The following SFRP1 variants were observed in gnomAD, a reference collection of about 807,000 sequenced individuals.
The protein encoded by SFRP1 is secreted frizzled-related protein 1.
In SFRP1, 9 loss-of-function variants were observed where a neutral mutation model predicts 25.9. That is an observed-to-expected ratio of 0.35 (90% CI 0.21 to 0.61). The LOEUF is 0.61. Among genes scored for constraint, SFRP1 ranks in the 20% least tolerant of loss-of-function variants. The pLI is 0.78. For missense variants in SFRP1, 346 were observed against 418.2 expected (o/e 0.83, Z 1.51); for synonymous variants, 178 against 174.0 (o/e 1.02, Z -0.18).
chr8:41,265,112 T>TCCCCCCCCCCCC lies in SFRP1; in HGVS notation c.*54_*55insGGGGGGGGGGGG. On this transcript the variant is annotated 3_prime_UTR_variant, in exon 3 of 3. Coordinates refer to ENST00000220772, the MANE Select transcript of SFRP1 (RefSeq NM_003012.5). ...GACCCACCGGGTTCCCGGGGCACTG[T>TCCCCCCCCCCCC]CCCCCCCGCTCCCACCCCACCCGAG... The TCCCCCCCCCCCC allele has an allele frequency of 5.8e-6, 3 of 517,774 alleles. No homozygotes were observed. Among genetic ancestry groups the TCCCCCCCCCCCC allele is most frequent in the South Asian group, 2.0e-5 (1 of 51,012 alleles). 32.1% of individuals were successfully genotyped at this position (517,774 alleles called of 1,614,324 possible).
chr8:41,269,180 C>T (rs975858306), intron 2 of SFRP1, among the ~76,000 whole-genome samples: 4 of 152,220 alleles, frequency 2.6e-5, no homozygotes, highest in African/African-American at 4.8e-5. Context: ...AGGGCTAAAA[C>T]TAAACTACCA....
chr8:41,286,114 G>A (rs1158869558), intron 2 of SFRP1, among the ~76,000 whole-genome samples: 2 of 151,914 alleles, frequency 1.3e-5, no homozygotes, highest in African/African-American at 4.8e-5. Context: ...AAGAGCGTCG[G>A]GAATGGGGGG....
intron 2 of SFRP1, chr8:41,298,217 G>A (rs1285928174): frequency 6.6e-6 from 1 of 152,154 alleles, no homozygotes; most frequent in African/African-American, 2.4e-5. Context: ...GATTCACATG[G>A]CCACCATGCA....
At chr8:41,301,048 A>G (rs1803909941) in intron 2 of SFRP1, among the ~76,000 whole-genome samples, 1 of 152,144 alleles carries the variant, frequency 6.6e-6, no homozygotes. Context: ...GCATGCCGAG[A>G]AGGTCAGGGG....
At chr8:41,276,814 C>A in intron 2 of SFRP1, 1 of 379,868 alleles carries the variant, frequency 2.6e-6, no homozygotes, top group African/African-American at 2.1e-5. Context: ...GTTTTCTGGA[C>A]CCCAGACACC....
intron 2 of SFRP1, among the ~76,000 whole-genome samples, chr8:41,283,080 G>T (rs745962965): frequency 6.6e-6 from 1 of 152,138 alleles, no homozygotes; most frequent in Admixed American, 6.5e-5. Flanking sequence ...TTTATTACAT[G>T]ACCTTGGACA....
chr8:41,263,687 G>A lies in SFRP1; in HGVS notation c.*1480C>T, dbSNP rs1166760223. 6.6e-6 allele frequency: 1 copy of A among 152,086 alleles called. No homozygotes were observed. Among genetic ancestry groups the A allele is most frequent in the South Asian group, 2.1e-4 (1 of 4,820 alleles). 9.4% of individuals were successfully genotyped at this position (152,086 alleles called of 1,614,324 possible). A position where few individuals can be genotyped will look rare whatever the true frequency, so the allele number is the denominator to read the frequency against. ...TACTTCCTGTACATTGGACAAGAAGGGTAAAGTTGTCTAAGTGAACTGGCT... is the reference window on the plus strand; with the variant it reads ...TACTTCCTGTACATTGGACAAGAAGAGTAAAGTTGTCTAAGTGAACTGGCT... On this transcript the variant is annotated 3_prime_UTR_variant, in exon 3 of 3. Transcript: ENST00000220772.
chr8:41,265,166 A>T lies in SFRP1; in HGVS notation c.*1T>A. On this transcript the variant is annotated 3_prime_UTR_variant, in exon 3 of 3. Transcript: ENST00000220772. ...CCCTCCCCACCCTGCCCCCGGGAGA[A>T]TCACTTAAACACGGACTGAAAGGTG... 1 of 1,198,876 alleles carries T rather than the reference A, an allele frequency of 8.3e-7. No individual in the cohort carries two copies. The highest frequency in any genetic ancestry group is 1.2e-5 in the South Asian group (1 of 80,320). 74.3% of individuals were successfully genotyped at this position (1,198,876 alleles called of 1,614,324 possible).
intron 2 of SFRP1, among the ~76,000 whole-genome samples, chr8:41,303,052 TAAAAAAAAA>T (rs397891660): frequency 9.9e-6 from 1 of 101,214 alleles, no homozygotes; most frequent in East Asian, 2.7e-4. Flanking sequence ...GGGTAGATGT[TAAAAAAAAA>T]AAAAAAAAAA....
rs1290826625 is a variant in SFRP1 at position 41,264,102 on chromosome 8, G to C, written c.*1065C>G. On this transcript the variant is annotated 3_prime_UTR_variant, in exon 3 of 3. Coordinates refer to ENST00000220772, the MANE Select transcript of SFRP1 (RefSeq NM_003012.5). ...TGCCTGGGGAGAGCTGCTCCTCTGG[G>C]AAGCAGCCTCGGACGGATCAGGAGA... 1.3e-5 allele frequency: 2 copies of C among 152,238 alleles called. No individual in the cohort carries two copies. Among genetic ancestry groups the C allele is most frequent in the Non-Finnish European group, 2.9e-5 (2 of 68,044 alleles). The allele number at this position is 152,238 out of a possible 1,614,324, so 9.4% of individuals were successfully genotyped here. A position where few individuals can be genotyped will look rare whatever the true frequency, so the allele number is the denominator to read the frequency against.
chr8:41,269,402 C>T (rs1803474920), intron 2 of SFRP1, among the ~76,000 whole-genome samples: 1 of 152,166 alleles, frequency 6.6e-6, no homozygotes, highest in Admixed American at 6.5e-5. Context: ...CAACAAGGGC[C>T]TGCCTGGGTC....
chr8:41,298,162 C>T (rs1803867082), intron 2 of SFRP1: 1 of 152,186 alleles, frequency 6.6e-6, no homozygotes, highest in African/African-American at 2.4e-5. Flanking sequence ...GGTACAGGGG[C>T]TTGCTTCAGT....
intron 2 of SFRP1, among the ~76,000 whole-genome samples, chr8:41,275,509 G>GTT (rs34725036): frequency 7.7e-5 from 11 of 143,198 alleles, no homozygotes; most frequent in East Asian, 4.0e-4. Flanking sequence ...AACTCTTTTT[G>GTT]TTTTTTTTTT....
At chr8:41,306,631 G>A in intron 1 of SFRP1, 1 of 1,463,086 alleles carries the variant, frequency 6.8e-7, no homozygotes, top group Admixed American at 2.0e-5. Flanking sequence ...AAACCACTGA[G>A]GGGAAAACCA....
intron 1 of SFRP1, 34 bp downstream of exon 1, chr8:41,308,582 G>C: frequency 6.6e-7 from 1 of 1,507,744 alleles, no homozygotes; most frequent in Non-Finnish European, 9.0e-7. Flanking sequence ...GGATGGAGGG[G>C]GCGGCTCGCG....
rs1804045408 is a variant in SFRP1 at position 41,309,422 on chromosome 8, G to A, written c.-263C>T. The A allele has an allele frequency of 1.2e-5, 2 of 166,100 alleles. No individual in the cohort carries two copies. Among genetic ancestry groups the A allele is most frequent in the Non-Finnish European group, 2.5e-5 (2 of 79,170 alleles). The allele number at this position is 166,100 out of a possible 1,614,324, so 10.3% of individuals were successfully genotyped here. A position where few individuals can be genotyped will look rare whatever the true frequency, so the allele number is the denominator to read the frequency against. On this transcript the variant is annotated 5_prime_UTR_variant, in exon 1 of 3. Transcript: ENST00000220772. ...GGAGGTGCGGCGAGCAGGAAGGCGC[G>A]GGGCGGCGGGCGCGCGGCACTGACT...
chr8:41,288,282 A>C (rs1380505675), intron 2 of SFRP1, among the ~76,000 whole-genome samples: 1 of 152,060 alleles, frequency 6.6e-6, no homozygotes, highest in Admixed American at 6.5e-5. Flanking sequence ...ACTTGAACCC[A>C]GGAGGCAGAG....
chr8:41,296,774 AAGG>A (rs907173258), intron 2 of SFRP1, among the ~76,000 whole-genome samples: 5 of 152,146 alleles, frequency 3.3e-5, no homozygotes, highest in African/African-American at 1.2e-4. Flanking sequence ...GCTAAATTAA[AAGG>A]AGAACGCGTT....
At chr8:41,272,426 G>A (rs562341122) in intron 2 of SFRP1, among the ~76,000 whole-genome samples, 4 of 152,316 alleles carry the variant, frequency 2.6e-5, no homozygotes, top group South Asian at 2.1e-4. Flanking sequence ...CCTGGCCAAC[G>A]TGGCGAAACC....
Sources: gnomAD v4.1 joint callset for allele counts (sites outside exome capture counted in the v4.1 genomes callset) on GRCh38, gnomAD v4.1.1 for gene constraint, MANE v1.5 for transcripts, NCBI Gene and HGNC (gene_info 2026-07-23, HGNC 2026-07-21) for gene names.